OSMR: variants seen among roughly 807,000 people sequenced by gnomAD.
OSMR encodes the protein oncostatin-M-specific receptor subunit beta.
In OSMR, 81 loss-of-function variants were observed where a neutral mutation model predicts 99.9. The observed-to-expected ratio is 0.81, with a 90% CI of 0.68 to 0.97. The LOEUF is 0.97. Ranked by LOEUF, OSMR falls within the 50% of genes least tolerant of loss-of-function variation. OSMR has a pLI of 0.00. For synonymous variants in OSMR, 406 were observed against 410.4 expected (o/e 0.99, Z 0.13); for missense variants, 1,099 against 1,153.4 (o/e 0.95, Z 0.68).
At chr5:38,853,010 C>A (rs149791198) in intron 1 of OSMR, among the ~76,000 whole-genome samples, 1 of 152,116 alleles carries the variant, frequency 6.6e-6, no homozygotes, top group South Asian at 2.1e-4. Flanking sequence ...GGATTACAGG[C>A]GTGAGCCACC....
intron 1 of OSMR, among the ~76,000 whole-genome samples, chr5:38,943,620 C>T (rs1747842963): frequency 6.6e-6 from 1 of 152,166 alleles, no homozygotes; most frequent in African/African-American, 2.4e-5. Context: ...TGAGACCAAC[C>T]TGGCTAACCT....
At chr5:38,903,825 A>G (rs1745045420) in intron 7 of OSMR, 57 bp from the exon 8 acceptor site, 2 of 1,574,542 alleles carry the variant, frequency 1.3e-6, no homozygotes, top group Non-Finnish European at 1.7e-6. Context: ...GCCTATTACC[A>G]ATGTCTTTTT....
chr5:38,902,123 T>A (rs1744934453), intron 7 of OSMR, among the ~76,000 whole-genome samples: 2 of 152,252 alleles, frequency 1.3e-5, no homozygotes, highest in South Asian at 4.1e-4. Context: ...AATATTTATA[T>A]CTGTATTAAG....
chr5:38,851,771 T>C (rs1173071231), intron 1 of OSMR, among the ~76,000 whole-genome samples: 4 of 152,208 alleles, frequency 2.6e-5, no homozygotes, highest in Non-Finnish European at 5.9e-5. Context: ...GTAGCTCCCA[T>C]AATTCCCTCA....
At chr5:38,889,642 T>A (rs533302344) in intron 7 of OSMR, among the ~76,000 whole-genome samples, 25 of 152,334 alleles carry the variant, frequency 1.6e-4, no homozygotes, top group Middle Eastern at 6.8e-3. Flanking sequence ...TTCTGCTGTA[T>A]CTGTGGTTGT....
intron 1 of OSMR, among the ~76,000 whole-genome samples, chr5:38,850,402 C>T (rs967280502): frequency 1.3e-5 from 2 of 152,202 alleles, no homozygotes; most frequent in African/African-American, 4.8e-5. Context: ...TCCTTCTTCT[C>T]TCCCTCTCTT....
intron 2 of OSMR, among the ~76,000 whole-genome samples, chr5:38,872,288 T>A (rs1742445624): frequency 6.6e-6 from 1 of 152,250 alleles, no homozygotes; most frequent in African/African-American, 2.4e-5. Context: ...TAGCGTATGT[T>A]AATATAAGGC....
chr5:38,864,543 T>TC (rs951122796), intron 1 of OSMR, among the ~76,000 whole-genome samples: 1 of 146,202 alleles, frequency 6.8e-6, no homozygotes, highest in Non-Finnish European at 1.5e-5. Context: ...GCCTGAAGTT[T>TC]TTTTTTTTTT....
downstream of OSMR, among the ~76,000 whole-genome samples, chr5:38,937,674 C>T (rs1429382021): frequency 6.6e-6 from 1 of 152,104 alleles, no homozygotes; most frequent in Admixed American, 6.5e-5. This position sits in a 1 kb window ranked among gnomAD's most constrained non-coding sequence, Gnocchi z 4.0. Context: ...CAGAGCTATT[C>T]TATCTAAAGA....
At chr5:38,938,921 T>C (rs1747240913), downstream of OSMR, 2 of 232,974 alleles carry the variant, frequency 8.6e-6, no homozygotes, top group Non-Finnish European at 1.7e-5. Context: ...TACCTTTTCT[T>C]TTTTCCCCAT....
At position 38,884,069 on chromosome 5, in the gene OSMR, AAT is replaced by A. The variant is rs1292889511; in HGVS notation, c.662_663del (p.Asn221SerfsTer3). ...TNIYCEASQG[N>X]VSEGMKGIVL... ...TATCTATTGTGAGGCAAGTCAAGGA[AAT>A]GTCAGTGAAGGCATGAAAGGCATCG... On this transcript the variant is annotated frameshift_variant, in exon 5 of 18. Coordinates refer to ENST00000274276, the MANE Select transcript of OSMR (RefSeq NM_003999.3). LOFTEE classifies it high-confidence loss of function. The A allele has an allele frequency of 1.9e-6, 3 of 1,614,120 alleles. No individual in the cohort carries two copies. The highest frequency in any genetic ancestry group is 2.5e-6 in the Non-Finnish European group (3 of 1,179,960).
At chr5:38,868,254 C>T (rs1220566940) in intron 1 of OSMR, among the ~76,000 whole-genome samples, 2 of 152,174 alleles carry the variant, frequency 1.3e-5, no homozygotes, top group Non-Finnish European at 2.9e-5. Flanking sequence ...GTCAGCTGCT[C>T]TTGTCTGGGG....
intron 11 of OSMR, among the ~76,000 whole-genome samples, chr5:38,920,292 G>T (rs928586725): frequency 6.6e-5 from 10 of 152,158 alleles, no homozygotes; most frequent in African/African-American, 2.4e-4. Context: ...TGTACTATGA[G>T]AAAACCAGTA....
chr5:38,925,764 G>A (rs1323912931), intron 15 of OSMR, among the ~76,000 whole-genome samples: 1 of 152,204 alleles, frequency 6.6e-6, no homozygotes. Context: ...GGTTTTCTCA[G>A]CAGAATTGTT....
downstream of OSMR, chr5:38,945,537 C>G: frequency 6.2e-7 from 1 of 1,614,072 alleles, no homozygotes; most frequent in East Asian, 2.2e-5. Context: ...GCTGGAAACC[C>G]AGAATTTCAA....
chr5:38,919,540 A>T, intron 11 of OSMR: 1 of 349,670 alleles, frequency 2.9e-6, no homozygotes, highest in Non-Finnish European at 5.4e-6. Context: ...TGTAGAATAA[A>T]AGATAATAAC....
chr5:38,869,159 G>A, intron 2 of OSMR, 42 bp downstream of exon 2: 1 of 1,393,862 alleles, frequency 7.2e-7, no homozygotes, highest in Admixed American at 1.7e-5. Context: ...ATCACGTCGG[G>A]AACAAATGAA....
At chr5:38,876,603 C>T (rs993163983) in intron 3 of OSMR, among the ~76,000 whole-genome samples, 2 of 152,172 alleles carry the variant, frequency 1.3e-5, no homozygotes, top group East Asian at 1.9e-4. Context: ...TAGATTTTCT[C>T]AGTTTTGCTC....
At chr5:38,939,840 C>T (rs944296276), downstream of OSMR, 3 of 223,788 alleles carry the variant, frequency 1.3e-5, no homozygotes, top group African/African-American at 6.7e-5. Context: ...CTGCTGATAT[C>T]ATTCCTAACC....
Sources: allele counts gnomAD v4.1 joint callset (sites outside exome capture counted in the v4.1 genomes callset), GRCh38; gene constraint gnomAD v4.1.1; non-coding constraint Gnocchi (gnomAD v3.1); transcripts MANE v1.5; gene names NCBI Gene and HGNC (gene_info 2026-07-23, HGNC 2026-07-21).